NDST1: variants seen among roughly 807,000 people sequenced by gnomAD.
NDST1 encodes the protein bifunctional heparan sulfate N-deacetylase/N-sulfotransferase 1.
NDST1 carries 35 observed loss-of-function variants against 92.8 expected under a neutral mutation model. The observed-to-expected ratio is 0.38, with a 90% CI of 0.29 to 0.50. The LOEUF is 0.50. NDST1 is among the 20% of genes least tolerant of loss of function. The pLI is 0.94. For synonymous variants in NDST1, 493 were observed against 500.3 expected, an observed-to-expected ratio of 0.99 and a Z score of 0.19; for missense variants, 822 against 1,182.7, an observed-to-expected ratio of 0.69 and a Z score of 4.47.
chr5:150,527,702 G>A lies in NDST1; in HGVS notation c.514-102G>A, dbSNP rs1754536312. ...TGGTGAGCCCTCCATGAATGTTGGT[G>A]AATATTGATACCACTGTTATGGTCC... is the stretch of plus-strand genomic sequence containing the variant. On this transcript the variant is annotated intron_variant, in intron 2 of 14. Coordinates refer to ENST00000261797, the MANE Select transcript of NDST1 (RefSeq NM_001543.5). 8 of 1,549,298 alleles carry A rather than the reference G, an allele frequency of 5.2e-6. No homozygotes were observed. In the African/African-American group the frequency reaches 5.4e-5, roughly 11 times the overall value.
chr5:150,549,567 G>T, intron 12 of NDST1, 111 bp from the exon 13 acceptor site: 1 of 723,148 alleles, frequency 1.4e-6, no homozygotes, highest in East Asian at 2.7e-5. Flanking sequence ...GCCAGTTCTA[G>T]AGGGTGCAGG....
At chr5:150,541,034 A>G (rs1014645482) in intron 8 of NDST1, among the ~76,000 whole-genome samples, 1 of 152,232 alleles carries the variant, frequency 6.6e-6, no homozygotes, top group African/African-American at 2.4e-5. Context: ...AATTGGTGAC[A>G]GTCTCATAGT....
intron 8 of NDST1, among the ~76,000 whole-genome samples, chr5:150,541,029 G>C (rs573200745): frequency 6.6e-6 from 1 of 152,204 alleles, no homozygotes; most frequent in African/African-American, 2.4e-5. Context: ...GCTGGAATTG[G>C]TGACAGTCTC....
In NDST1 at chr5:150,521,426, G is replaced by A. The variant is rs770708585; in HGVS notation, c.172G>A (p.Asp58Asn). Residue 58 changes from aspartate to asparagine, a missense_variant, in exon 2 of 15, where the codon GAC becomes AAC. Transcript: ENST00000261797. The surrounding 1 kb of genome is among the most constrained non-coding windows in gnomAD (Gnocchi z 5.9). ...GGATGCCCCCGAGCCTGACTGCGGGGACCCGCCGCCTGTGGCCCCCAGTCG... is the reference window on the plus strand; with the variant it reads ...GGATGCCCCCGAGCCTGACTGCGGGAACCCGCCGCCTGTGGCCCCCAGTCG... ...SADAPEPDCG[D>N]PPPVAPSRLL... 3 of 1,612,932 alleles carry A rather than the reference G, an allele frequency of 1.9e-6. No homozygotes were observed. In the South Asian group the frequency reaches 3.3e-5, roughly 18 times the overall value.
At chr5:150,524,120 G>A (rs1477147465) in intron 2 of NDST1, among the ~76,000 whole-genome samples, 1 of 152,212 alleles carries the variant, frequency 6.6e-6, no homozygotes, top group African/African-American at 2.4e-5. Context: ...GTCCAGACAG[G>A]TTCAAATCTC....
intron 1 of NDST1, among the ~76,000 whole-genome samples, chr5:150,516,332 G>A (rs946186621): frequency 6.6e-6 from 1 of 152,236 alleles, no homozygotes; most frequent in African/African-American, 2.4e-5. Flanking sequence ...GATCCACATC[G>A]TGAGGGATTG....
chr5:150,552,748 C>A, intron 14 of NDST1: 1 of 229,142 alleles, frequency 4.4e-6, no homozygotes, highest in Non-Finnish European at 8.8e-6. Flanking sequence ...ATGCTCCTGC[C>A]AACTGGGAGT....
intron 3 of NDST1, among the ~76,000 whole-genome samples, chr5:150,531,151 A>T (rs1051821441): frequency 6.6e-6 from 1 of 152,096 alleles, no homozygotes; most frequent in African/African-American, 2.4e-5. Context: ...TAGCTTGTAC[A>T]GTACTGGCTG....
chr5:150,525,753 C>A (rs1447261943), intron 2 of NDST1, among the ~76,000 whole-genome samples: 1 of 152,144 alleles, frequency 6.6e-6, no homozygotes, highest in Non-Finnish European at 1.5e-5. Context: ...GAGACTTTAC[C>A]CTGCCCCCGC....
At chr5:150,512,187 G>A (rs914181784) in intron 1 of NDST1, among the ~76,000 whole-genome samples, 1 of 152,092 alleles carries the variant, frequency 6.6e-6, no homozygotes, top group Admixed American at 6.6e-5. Flanking sequence ...TGTGCATGTG[G>A]CCCAGATGCC....
At position 150,554,348 on chromosome 5, in the gene NDST1, T is replaced by TAG. The variant is rs990698647; in HGVS notation, c.*1017_*1018insGA. On this transcript the variant is annotated 3_prime_UTR_variant, in exon 15 of 15. Transcript: ENST00000261797. ...GGTCGCACTGTGTTATATATATATATATATATATATAATGTGTATATATAT... is the reference window on the plus strand; with the variant it reads ...GGTCGCACTGTGTTATATATATATATAGATATATATATAATGTGTATATATAT... 1 of 161,284 alleles carries TAG rather than the reference T, an allele frequency of 6.2e-6. No individual in the cohort carries two copies. The highest frequency in any genetic ancestry group is 2.5e-5 in the African/African-American group (1 of 40,598). 10.0% of individuals were successfully genotyped at this position (161,284 alleles called of 1,614,324 possible). A position where few individuals can be genotyped will look rare whatever the true frequency, so the allele number is the denominator to read the frequency against.
Position 150,521,535 on chromosome 5 carries a change from C to G in NDST1, c.281C>G (p.Ser94Trp). The G allele has an allele frequency of 6.2e-7, 1 of 1,613,998 alleles. No individual in the cohort carries two copies. Among genetic ancestry groups the G allele is most frequent in the Non-Finnish European group, 8.5e-7 (1 of 1,180,032 alleles). The change falls in exon 2 of 15, where the codon TCG (serine) becomes TGG (tryptophan). Residue 94 changes from serine to tryptophan, a missense_variant. Physicochemically the swap from Ser to Trp is radical, Grantham distance 177. Transcript: ENST00000261797. The surrounding 1 kb of genome is among the most constrained non-coding windows in gnomAD (Gnocchi z 5.9). ...LVLVFVESLYSQLGQEVVAIL... is the reference protein window; with the variant it reads ...LVLVFVESLYWQLGQEVVAIL... ...CTGGTCTTTGTGGAGAGCCTCTACT[C>G]GCAACTGGGCCAGGAGGTGGTGGCC... is the stretch of plus-strand genomic sequence containing the variant.
chr5:150,547,968 G>T (rs1336136098), intron 11 of NDST1, among the ~76,000 whole-genome samples: 1 of 152,148 alleles, frequency 6.6e-6, no homozygotes, highest in Non-Finnish European at 1.5e-5. Context: ...ACAGGCATGA[G>T]CCACCATGCC....
At position 150,540,099 on chromosome 5, in the gene NDST1, G is replaced by T. The variant is rs770384721; in HGVS notation, c.1584G>T (p.Thr528=). The T allele has an allele frequency of 5.6e-6, 9 of 1,614,050 alleles. No individual in the cohort carries two copies. The South Asian group carries it at 9.9e-5, about 18-fold the overall frequency. The change falls in exon 8 of 15, where the codon ACG becomes ACT. Residue 528 remains threonine, a synonymous_variant. Coordinates refer to ENST00000261797, the MANE Select transcript of NDST1 (RefSeq NM_001543.5). ...TGGAGCAGATCAGCATCTTCATGACGCACCTGTCCAACTATGGGAATGACC... is the reference window on the plus strand; with the variant it reads ...TGGAGCAGATCAGCATCTTCATGACTCACCTGTCCAACTATGGGAATGACC... The part of the protein sequence containing the change: ...VLLNPISIFM[T]HLSNYGNDRL...
At position 150,546,037 on chromosome 5, in the gene NDST1, G is replaced by A. The variant is rs888765; in HGVS notation, c.2145+551G>A. On this transcript the variant is annotated intron_variant, in intron 11 of 14. Transcript: ENST00000261797. ...TTTTGAGACAGAGTCTTGCTCTGTA[G>A]CCCAGGCTGGAGTGCAGTGGCCTGA... Among the ~76,000 whole-genome samples the A allele has an allele frequency of 9.4e-5, 13 of 137,992 alleles. No homozygotes were observed. In the East Asian group the frequency reaches 1.6e-3, roughly 17 times the overall value. 90.5% of individuals were successfully genotyped at this position (137,992 alleles called of 152,430 possible).
intron 14 of NDST1, chr5:150,552,418 GA>G: frequency 6.2e-6 from 1 of 162,422 alleles, no homozygotes; most frequent in Non-Finnish European, 1.4e-5. Flanking sequence ...AAAATATATA[GA>G]AAAAGGGTCA....
chr5:150,511,971 G>C (rs1265162708), intron 1 of NDST1, among the ~76,000 whole-genome samples: 1 of 151,886 alleles, frequency 6.6e-6, no homozygotes, highest in East Asian at 1.9e-4. Context: ...ACTGTGCTGG[G>C]GGTGTGACTG....
rs755946953 is a variant in NDST1 at position 150,532,895 on chromosome 5, G to A, written c.1009-50G>A. ...TCACTGCCCTCAGTGGGAAAAGCAG[G>A]GAGCTCCTGGCTTTCCCTCACTCAT... is the stretch of plus-strand genomic sequence containing the variant. On this transcript the variant is annotated intron_variant, in intron 3 of 14. Transcript: ENST00000261797. 5.2e-6 allele frequency: 8 copies of A among 1,534,498 alleles called. No individual in the cohort carries two copies. In the South Asian group the frequency reaches 9.0e-5, roughly 17 times the overall value.
Position 150,530,557 on chromosome 5 carries a change from ATTT to A in NDST1, c.1008+2281_1008+2283del, listed in dbSNP as rs71589713. 5.6e-3 allele frequency among the ~76,000 whole-genome samples: 714 copies of A among 127,222 alleles called. 10 individuals are homozygous for A. Among genetic ancestry groups the A allele is most frequent in the African/African-American group, 0.022 (646 of 29,992 alleles). The allele number at this position is 127,222 out of a possible 152,430, so 83.5% of individuals were successfully genotyped here. A position where few individuals can be genotyped will look rare whatever the true frequency, so the allele number is the denominator to read the frequency against. ...CTCTTATTAATTTTCCGTATTTTAA[ATTT>A]TTTTTTTTTTTTTTTTTTTTTGAGA... On this transcript the variant is annotated intron_variant, in intron 3 of 14. Transcript: ENST00000261797.
Sources: gnomAD v4.1 joint callset for allele counts (sites outside exome capture counted in the v4.1 genomes callset) on GRCh38, gnomAD v4.1.1 for gene constraint, Gnocchi (gnomAD v3.1) non-coding constraint, MANE v1.5 for transcripts, NCBI Gene and HGNC (gene_info 2026-07-23, HGNC 2026-07-21) for gene names.